The following NBAS variants were observed in gnomAD, a reference collection of about 807,000 sequenced individuals.
NBAS encodes NBAS subunit of NRZ tethering complex.
In NBAS, 219 loss-of-function variants were observed where a neutral mutation model predicts 302.5. The ratio of observed to expected loss-of-function variants is 0.72; its 90% CI spans 0.65 to 0.81. The LOEUF is 0.81. NBAS is among the 30% of genes least tolerant of loss of function. The probability of loss-of-function intolerance (pLI) is 0.00; values close to 1 mark genes in which losing one functional copy is unlikely to be tolerated. For synonymous variants in NBAS, 1,118 were observed against 1,021.6 expected (o/e 1.09, Z -1.80); for missense variants, 2,932 against 2,841.6 (o/e 1.03, Z -0.72).
At chr2:15,370,061 TAGG>T (rs1286509016) in intron 31 of NBAS, among the ~76,000 whole-genome samples, 3 of 152,196 alleles carry the variant, frequency 2.0e-5, no homozygotes, top group Non-Finnish European at 4.4e-5. Context: ...AGCTGACCAG[TAGG>T]AGGACAAGTA....
At chr2:14,841,105 T>G in the NBAS span, among the ~76,000 whole-genome samples, 5 of 152,026 alleles carry the variant, frequency 3.3e-5, no homozygotes, top group African/African-American at 7.2e-5. Context: ...TGATCTAAGT[T>G]GTCATCTCTT....
chr2:14,868,735 T>G, the NBAS span, among the ~76,000 whole-genome samples: 1 of 152,250 alleles, frequency 6.6e-6, no homozygotes, highest in Non-Finnish European at 1.5e-5. Context: ...AATCAATCTA[T>G]ATGGCTTTGT....
the NBAS span, among the ~76,000 whole-genome samples, chr2:15,032,877 A>C: frequency 2.0e-5 from 3 of 152,240 alleles, no homozygotes; most frequent in Non-Finnish European, 2.9e-5. Flanking sequence ...CTATTCTTCA[A>C]GACAAGGGAA....
the NBAS span, among the ~76,000 whole-genome samples, chr2:14,910,471 C>T: frequency 1.3e-5 from 2 of 152,218 alleles, no homozygotes; most frequent in Non-Finnish European, 1.5e-5. Context: ...CAGCGTCAAC[C>T]TGTCTGGCCA....
chr2:14,951,806 G>C, the NBAS span, among the ~76,000 whole-genome samples: 1 of 152,160 alleles, frequency 6.6e-6, no homozygotes, highest in Non-Finnish European at 1.5e-5. Context: ...TAATTGACAT[G>C]GGAGCAGGCA....
In NBAS at chr2:15,489,462, C is replaced by A. The variant is rs539434527; in HGVS notation, c.955-440G>T. Among the ~76,000 whole-genome samples, 29 of 152,082 alleles carry A rather than the reference C, an allele frequency of 1.9e-4. No homozygotes were observed. The South Asian group carries it at 5.8e-3, about 31-fold the overall frequency. On this transcript the variant is annotated intron_variant, in intron 11 of 51. Transcript: ENST00000281513. ...ATATATCATAAATAGGCCAAAAATTCATGCCACGGAAAAGAAGGAAAGGAG... is the reference window on the plus strand; with the variant it reads ...ATATATCATAAATAGGCCAAAAATTAATGCCACGGAAAAGAAGGAAAGGAG...
At chr2:15,274,752 C>A (rs987538407) in intron 44 of NBAS, among the ~76,000 whole-genome samples, 2 of 151,826 alleles carry the variant, frequency 1.3e-5, no homozygotes, top group Non-Finnish European at 2.9e-5. Flanking sequence ...ATATGAATAA[C>A]ATCTTTTTTA....
chr2:15,045,730 G>A, the NBAS span, among the ~76,000 whole-genome samples: 1 of 152,112 alleles, frequency 6.6e-6, no homozygotes, highest in African/African-American at 2.4e-5. Flanking sequence ...GTATATACCT[G>A]GAAATTGGAG....
chr2:15,555,408 C>T lies in NBAS; in HGVS notation c.210-1270G>A, dbSNP rs150882506. Among the ~76,000 whole-genome samples, 68 of 151,966 alleles carry T rather than the reference C, an allele frequency of 4.5e-4. No individual in the cohort carries two copies. The East Asian group carries it at 0.011, about 25-fold the overall frequency. ...ACTACCTATATGAGGATGATAATTT[C>T]CTCTAGAAGGGAAGGGAAAAGAAAA... is the stretch of plus-strand genomic sequence containing the variant. On this transcript the variant is annotated intron_variant, in intron 3 of 51. Coordinates refer to ENST00000281513, the MANE Select transcript of NBAS (RefSeq NM_015909.4).
chr2:15,316,746 C>G lies in NBAS; in HGVS notation c.4583-7499G>C, dbSNP rs186861719. On this transcript the variant is annotated intron_variant, in intron 38 of 51. Coordinates refer to ENST00000281513, the MANE Select transcript of NBAS (RefSeq NM_015909.4). Reference sequence around the variant, plus strand: ...GAAGCGCGAAGTGGGAGGAGCCCACCGCAGCTCAGCAAGGACTACTGCCTC... The same window carrying G: ...GAAGCGCGAAGTGGGAGGAGCCCACGGCAGCTCAGCAAGGACTACTGCCTC... Among the ~76,000 whole-genome samples the G allele has an allele frequency of 5.9e-5, 9 of 152,258 alleles. No homozygotes were observed. The East Asian group carries it at 1.7e-3, about 29-fold the overall frequency.
the NBAS span, among the ~76,000 whole-genome samples, chr2:15,159,563 A>AAT: frequency 1.3e-5 from 2 of 151,664 alleles, no homozygotes; most frequent in South Asian, 2.1e-4. Flanking sequence ...TGAAATACCT[A>AAT]GAGTAGTCCA....
the NBAS span, among the ~76,000 whole-genome samples, chr2:14,917,381 T>TCATCAACA: frequency 6.6e-6 from 1 of 152,192 alleles, no homozygotes; most frequent in African/African-American, 2.4e-5. Flanking sequence ...CAGGTAGGCC[T>TCATCAACA]CATCAACATG....
chr2:14,904,386 C>T, the NBAS span, among the ~76,000 whole-genome samples: 1 of 152,180 alleles, frequency 6.6e-6, no homozygotes, highest in Non-Finnish European at 1.5e-5. Flanking sequence ...TGATATAAGT[C>T]CAAGAGTCCA....
chr2:15,443,209 T>G (rs928365769), intron 21 of NBAS, among the ~76,000 whole-genome samples: 1 of 151,992 alleles, frequency 6.6e-6, no homozygotes, highest in Non-Finnish European at 1.5e-5. Context: ...AAAAAAAGAA[T>G]TTTAGACCAA....
intron 21 of NBAS, among the ~76,000 whole-genome samples, chr2:15,450,785 CT>C (rs1213390293): frequency 6.6e-6 from 1 of 152,072 alleles, no homozygotes; most frequent in African/African-American, 2.4e-5. Flanking sequence ...ACTTATTTTT[CT>C]TTTTTTCAGC....
At chr2:15,262,196 A>G (rs1381562404) in intron 44 of NBAS, among the ~76,000 whole-genome samples, 1 of 152,236 alleles carries the variant, frequency 6.6e-6, no homozygotes, top group Non-Finnish European at 1.5e-5. Context: ...TCAGGAAGCA[A>G]CATAGCCCCA....
chr2:15,487,038 A>T (rs968542058), intron 12 of NBAS, among the ~76,000 whole-genome samples: 24 of 152,232 alleles, frequency 1.6e-4, no homozygotes, highest in African/African-American at 5.5e-4. Context: ...ATGAAATATT[A>T]AGAGTGCTTC....
chr2:15,260,915 C>T (rs933489322), intron 44 of NBAS, among the ~76,000 whole-genome samples: 1 of 152,160 alleles, frequency 6.6e-6, no homozygotes, highest in African/African-American at 2.4e-5. Context: ...CTGATGTTTC[C>T]GATCCTAATC....
At chr2:14,974,507 T>C in the NBAS span, among the ~76,000 whole-genome samples, 1 of 152,236 alleles carries the variant, frequency 6.6e-6, no homozygotes, top group South Asian at 2.1e-4. Context: ...ATGAGCTAAT[T>C]GACTATCCTA....
Sources: gnomAD v4.1 joint callset for allele counts (sites outside exome capture counted in the v4.1 genomes callset) on GRCh38, gnomAD v4.1.1 for gene constraint, MANE v1.5 for transcripts, NCBI Gene and HGNC (gene_info 2026-07-23, HGNC 2026-07-21) for gene names.